The following RAPGEF2 variants were observed in gnomAD, a reference collection of about 807,000 sequenced individuals.
RAPGEF2 encodes the protein PDZ domain containing guanine nucleotide exchange factor (GEF) 1.
Under a neutral mutation model 186.7 loss-of-function variants are expected in RAPGEF2, and 54 were observed. The observed-to-expected ratio is 0.29, with a 90% CI of 0.23 to 0.36. The LOEUF (loss-of-function observed/expected upper bound fraction) is 0.36. RAPGEF2 is among the 10% of genes least tolerant of loss of function. The pLI, the probability that RAPGEF2 is intolerant of heterozygous loss-of-function variation, is 1.00. For missense variants in RAPGEF2, 1,532 were observed against 2,045.0 expected, an observed-to-expected ratio of 0.75 and a Z score of 4.84; for synonymous variants, 712 against 705.9, an observed-to-expected ratio of 1.01 and a Z score of -0.14.
At chr4:159,209,191 C>CA (rs146288884) in intron 3 of RAPGEF2, among the ~76,000 whole-genome samples, 1,054 of 103,432 alleles carry the variant, frequency 0.01, 9 homozygotes, top group Non-Finnish European at 0.013. Flanking sequence ...CATGCCCAGC[C>CA]AAAAAAAAAA....
intron 7 of RAPGEF2, among the ~76,000 whole-genome samples, chr4:159,295,754 T>TGTGCGCGCGC (rs1386754001): frequency 2.6e-5 from 3 of 113,934 alleles, no homozygotes; most frequent in Non-Finnish European, 5.8e-5. Context: ...TGTGTGTGTG[T>TGTGCGCGCGC]GCGCGCGCGC....
chr4:159,272,181 C>T (rs1280440585), intron 7 of RAPGEF2, among the ~76,000 whole-genome samples: 1 of 152,136 alleles, frequency 6.6e-6, no homozygotes, highest in Non-Finnish European at 1.5e-5. Flanking sequence ...TGATCACCTC[C>T]CTTAAGTCCA....
In RAPGEF2 at chr4:159,124,634, A is replaced by G. The variant is rs182438001; in HGVS notation, c.69+20403A>G. 2.4e-3 allele frequency among the ~76,000 whole-genome samples: 370 copies of G among 152,330 alleles called. 1 individual carries two copies. Among genetic ancestry groups the G allele is most frequent in the African/African-American group, 8.4e-3 (349 of 41,566 alleles). ...TACGCAAAGAAGAATGAAGAGGAAG[A>G]GACTTATCCAGCCTAGTTTCCCTGT... On this transcript the variant is annotated intron_variant, in intron 1 of 29. Transcript: ENST00000691494.
At chr4:159,272,017 A>G (rs1272565886) in intron 7 of RAPGEF2, among the ~76,000 whole-genome samples, 2 of 152,106 alleles carry the variant, frequency 1.3e-5, no homozygotes, top group Admixed American at 1.3e-4. Flanking sequence ...CATACGCTCC[A>G]TGTCTCAACT....
intron 1 of RAPGEF2, among the ~76,000 whole-genome samples, chr4:159,165,854 A>G (rs1212562592): frequency 6.6e-6 from 1 of 152,178 alleles, no homozygotes; most frequent in Non-Finnish European, 1.5e-5. Context: ...CTGCCTCCCA[A>G]AGTGCTGCGA....
chr4:159,210,635 T>G (rs556263333), intron 4 of RAPGEF2, 52 bp downstream of exon 4: 1 of 1,366,350 alleles, frequency 7.3e-7, no homozygotes, highest in African/African-American at 1.4e-5. Flanking sequence ...GAAATTCTTT[T>G]GCAGAATTCA....
intron 1 of RAPGEF2, among the ~76,000 whole-genome samples, chr4:159,130,385 A>G (rs757711529): frequency 5.6e-4 from 85 of 152,262 alleles, no homozygotes; most frequent in Non-Finnish European, 4.0e-4. Context: ...GCCTCTGACA[A>G]CAGGGTCTTG....
At chr4:159,234,417 C>T (rs1752990703) in intron 4 of RAPGEF2, among the ~76,000 whole-genome samples, 1 of 152,168 alleles carries the variant, frequency 6.6e-6, no homozygotes, top group African/African-American at 2.4e-5. Flanking sequence ...GAATCTTGCT[C>T]TGTCACCCAG....
intron 8 of RAPGEF2, 66 bp downstream of exon 8, chr4:159,304,539 A>C: frequency 1.4e-6 from 2 of 1,429,566 alleles, no homozygotes; most frequent in Non-Finnish European, 1.9e-6. Flanking sequence ...TAAGGTTCTC[A>C]GCTGATAGAA....
intron 7 of RAPGEF2, among the ~76,000 whole-genome samples, chr4:159,270,892 C>T (rs541651046): frequency 2.9e-4 from 44 of 152,072 alleles, no homozygotes; most frequent in Non-Finnish European, 5.6e-4. Context: ...TCATGTGGTG[C>T]TTTTCAGTTA....
chr4:159,108,497 TCTCA>T, intron 1 of RAPGEF2, among the ~76,000 whole-genome samples: 1 of 151,964 alleles, frequency 6.6e-6, no homozygotes, highest in East Asian at 1.9e-4. Flanking sequence ...TATCATTTAA[TCTCA>T]CTGTTTTTAA....
In RAPGEF2 at chr4:159,353,450, G is replaced by GTTTTTT; in HGVS notation, c.4092-32_4092-27dup. ...CATAGGTGAATTAGTTATCAATCTT[G>GTTTTTT]TTTTTTTTTTCTTTTCCATTTCTTT... On this transcript the variant is annotated intron_variant, in intron 27 of 29. Coordinates refer to ENST00000691494, the MANE Select transcript of RAPGEF2 (RefSeq NM_001394067.2). This position sits in a 1 kb window ranked among gnomAD's most constrained non-coding sequence, Gnocchi z 4.3. 1 of 1,257,644 alleles carries GTTTTTT rather than the reference G, an allele frequency of 8.0e-7. No homozygotes were observed. The allele number at this position is 1,257,644 out of a possible 1,614,324, so 77.9% of individuals were successfully genotyped here. A position where few individuals can be genotyped will look rare whatever the true frequency, so the allele number is the denominator to read the frequency against.
intron 1 of RAPGEF2, among the ~76,000 whole-genome samples, chr4:159,145,649 A>G (rs943991288): frequency 6.6e-6 from 1 of 152,220 alleles, no homozygotes; most frequent in African/African-American, 2.4e-5. Context: ...TGGCATGTCA[A>G]GCATTCCATA....
intron 1 of RAPGEF2, among the ~76,000 whole-genome samples, chr4:159,184,608 A>AT (rs1482712635): frequency 6.6e-6 from 1 of 151,958 alleles, no homozygotes; most frequent in Non-Finnish European, 1.5e-5. Context: ...TTTCTTGTAA[A>AT]TTTGTTTAAG....
Position 159,266,069 on chromosome 4 carries a change from G to A in RAPGEF2, c.543+22278G>A, listed in dbSNP as rs915068996. Reference sequence around the variant, plus strand: ...TGGTCTGGAGAATGATTCTGTTTTTGTTTTGTTTTTGAGATAGGAGAGACC... The same window carrying A: ...TGGTCTGGAGAATGATTCTGTTTTTATTTTGTTTTTGAGATAGGAGAGACC... On this transcript the variant is annotated intron_variant, in intron 7 of 29. Transcript: ENST00000691494. 2.0e-5 allele frequency among the ~76,000 whole-genome samples: 3 copies of A among 152,060 alleles called. No individual in the cohort carries two copies. In the South Asian group the frequency reaches 6.2e-4, roughly 32 times the overall value.
intron 4 of RAPGEF2, among the ~76,000 whole-genome samples, chr4:159,214,858 A>G (rs1750852570): frequency 2.0e-5 from 3 of 152,142 alleles, no homozygotes; most frequent in Admixed American, 6.6e-5. Context: ...AACAGTATAC[A>G]ATTTTTATTT....
intron 17 of RAPGEF2, among the ~76,000 whole-genome samples, chr4:159,335,945 G>T (rs1004283691): frequency 6.6e-6 from 1 of 151,428 alleles, no homozygotes; most frequent in African/African-American, 2.4e-5. Context: ...TGAGCCCATA[G>T]TAATGATCTC....
Position 159,329,992 on chromosome 4 carries a change from G to A in RAPGEF2, c.1284G>A (p.Lys428=), listed in dbSNP as rs1412801887. ...HRELDRTGTR[K]GHIVIKGTSE... ...AACTTGATCGAACTGGAACAAGAAAGGGACACATTGTCATCAAGGTAGGAC... is the reference window on the plus strand; with the variant it reads ...AACTTGATCGAACTGGAACAAGAAAAGGACACATTGTCATCAAGGTAGGAC... Residue 428 remains lysine (K), a synonymous_variant, in exon 12 of 30, where the codon AAG becomes AAA. Transcript: ENST00000691494. 1.2e-6 allele frequency: 2 copies of A among 1,612,392 alleles called. No homozygotes were observed. Among genetic ancestry groups the A allele is most frequent in the Non-Finnish European group, 1.7e-6 (2 of 1,179,206 alleles).
chr4:159,149,532 C>G (rs1026106276), intron 1 of RAPGEF2, among the ~76,000 whole-genome samples: 1 of 152,192 alleles, frequency 6.6e-6, no homozygotes, highest in African/African-American at 2.4e-5. Context: ...GCTGGGATTA[C>G]AGGTGTGAGC....
Sources: gnomAD v4.1 joint callset for allele counts (sites outside exome capture counted in the v4.1 genomes callset) on GRCh38, gnomAD v4.1.1 for gene constraint, Gnocchi (gnomAD v3.1) non-coding constraint, MANE v1.5 for transcripts, NCBI Gene and HGNC (gene_info 2026-07-23, HGNC 2026-07-21) for gene names.